The following RAD9B variants were observed in gnomAD, a reference collection of about 807,000 sequenced individuals.
RAD9B encodes RAD9 checkpoint clamp component B, also known as cell cycle checkpoint control protein RAD9B.
In RAD9B, 41 loss-of-function variants were observed where a neutral mutation model predicts 48.3. The observed-to-expected ratio is 0.85, with a 90% CI of 0.66 to 1.10. The LOEUF (loss-of-function observed/expected upper bound fraction) is 1.10, where lower values mean the gene tolerates loss of function less well. RAD9B is among the 50% of genes least tolerant of loss of function. The pLI, the probability that RAD9B is intolerant of heterozygous loss-of-function variation, is 0.00. For missense variants in RAD9B, 444 were observed against 485.1 expected (o/e 0.92, Z 0.80); for synonymous variants, 160 against 157.9 (o/e 1.01, Z -0.10).
At chr12:110,506,277 C>T (rs1274703327) in intron 3 of RAD9B, among the ~76,000 whole-genome samples, 1 of 151,680 alleles carries the variant, frequency 6.6e-6, no homozygotes, top group African/African-American at 2.4e-5. Context: ...CAAGCTCTGC[C>T]TCCCGGGTTC....
chr12:110,532,542 CA>C lies in RAD9B; in HGVS notation c.*1894del, dbSNP rs1448872333. On this transcript the variant is annotated 3_prime_UTR_variant, in exon 11 of 11. Transcript: ENST00000409300. ...GCAACATGGTGAGATCCCATCTCTA[CA>C]AAAATTAGCTGGGCACTTTGGATTT... 6.6e-6 allele frequency among the ~76,000 whole-genome samples: 1 copy of C among 152,178 alleles called. No individual in the cohort carries two copies. Among genetic ancestry groups the C allele is most frequent in the East Asian group, 1.9e-4 (1 of 5,202 alleles).
chr12:110,507,121 C>G (rs1210357593), intron 4 of RAD9B, among the ~76,000 whole-genome samples: 1 of 151,834 alleles, frequency 6.6e-6, no homozygotes, highest in Non-Finnish European at 1.5e-5. Context: ...TGGGATGAGC[C>G]ACTGCACCTG....
rs540116555 is a variant in RAD9B, at chr12:110,507,382, A to C, written c.388+689A>C. Among the ~76,000 whole-genome samples, 132 of 143,110 alleles carry C rather than the reference A, an allele frequency of 9.2e-4. 1 individual carries two copies. Among genetic ancestry groups the C allele is most frequent in the African/African-American group, 3.1e-3 (122 of 39,524 alleles). The allele number at this position is 143,110 out of a possible 152,430, so 93.9% of individuals were successfully genotyped here. The stretch of plus-strand genomic sequence containing the variant: ...AATATGTATTATATATAATATATGT[A>C]TTATATATAATATATAATATATGTA... On this transcript the variant is annotated intron_variant, in intron 4 of 10. Coordinates refer to ENST00000409300, the MANE Select transcript of RAD9B (RefSeq NM_001286535.2).
In RAD9B at chr12:110,518,859, C is replaced by T. The variant is rs768427217; in HGVS notation, c.703-15C>T. 4 of 1,576,490 alleles carry T rather than the reference C, an allele frequency of 2.5e-6. No homozygotes were observed. The highest frequency in any genetic ancestry group is 3.7e-5 in the Admixed American group (2 of 53,372). On this transcript the variant is annotated splice_polypyrimidine_tract_variant and intron_variant, in intron 7 of 10. Coordinates refer to ENST00000409300, the MANE Select transcript of RAD9B (RefSeq NM_001286535.2). Reference sequence around the variant, plus strand: ...TATAAGGATTTTAAGTTTTTTTCTTCTTTTCTTTTTTCAGGGAATACTGAC... The same window carrying T: ...TATAAGGATTTTAAGTTTTTTTCTTTTTTTCTTTTTTCAGGGAATACTGAC...
In RAD9B at chr12:110,519,798, C is replaced by G; in HGVS notation, c.772C>G (p.Leu258Val). Residue 258 changes from leucine to valine, a missense_variant, in exon 9 of 11, where the codon CTG becomes GTG. By Grantham distance (32) the Leu-to-Val change is conservative. Coordinates refer to ENST00000409300, the MANE Select transcript of RAD9B (RefSeq NM_001286535.2). ...SIYFDFPGKP[L>V]ALSIDDMLVE... ...GCTCTGACTTGGCTTTTTTAGACCT[C>G]TGGCTTTGAGTATTGATGATATGTT... The G allele has an allele frequency of 6.2e-7, 1 of 1,606,032 alleles. No homozygotes were observed. Among genetic ancestry groups the G allele is most frequent in the Non-Finnish European group, 8.5e-7 (1 of 1,177,676 alleles).
intron 8 of RAD9B, among the ~76,000 whole-genome samples, 195 bp from the exon 9 acceptor site, chr12:110,519,599 T>A (rs980949945): frequency 2.0e-5 from 3 of 150,410 alleles, no homozygotes; most frequent in Admixed American, 1.3e-4. Context: ...CCCGGCTAAT[T>A]TTTTTTTTGT....
In RAD9B at chr12:110,503,867, T is replaced by C; in HGVS notation, c.108T>C (p.Ser36=). 1 of 1,563,440 alleles carries C rather than the reference T, an allele frequency of 6.4e-7. No individual in the cohort carries two copies. Among genetic ancestry groups the C allele is most frequent in the Non-Finnish European group, 8.6e-7 (1 of 1,158,544 alleles). ...RISDEFWLDP[S]KKGLALRCVN... is the part of the protein sequence containing the mutation. ...GTGACGAGTTCTGGCTAGACCCATC[T>C]AAAAAAGGTGTAAGTAAGAAAGTTA... Residue 36 remains serine, a synonymous_variant, in exon 2 of 11, where the codon TCT becomes TCC. Coordinates refer to ENST00000409300, the MANE Select transcript of RAD9B (RefSeq NM_001286535.2).
At chr12:110,504,028 A>G (rs1168338636) in intron 2 of RAD9B, among the ~76,000 whole-genome samples, 152 bp downstream of exon 2, 3 of 152,186 alleles carry the variant, frequency 2.0e-5, no homozygotes, top group Non-Finnish European at 2.9e-5. Context: ...CACTTAGAGC[A>G]TGGTAAAGTT....
At chr12:110,516,700 C>A (rs2063609846) in intron 6 of RAD9B, among the ~76,000 whole-genome samples, 2 of 151,834 alleles carry the variant, frequency 1.3e-5, no homozygotes, top group African/African-American at 4.8e-5. Context: ...GTCCCAGCTA[C>A]TTGGGAGGCT....
chr12:110,517,285 T>C (rs893657659), intron 6 of RAD9B, among the ~76,000 whole-genome samples: 2 of 152,130 alleles, frequency 1.3e-5, no homozygotes, highest in African/African-American at 4.8e-5. Context: ...GCTATGATCA[T>C]GCCACTGTAT....
At chr12:110,518,491 A>C (rs754715033) in intron 6 of RAD9B, among the ~76,000 whole-genome samples, 185 bp from the exon 7 acceptor site, 2 of 152,254 alleles carry the variant, frequency 1.3e-5, no homozygotes, top group African/African-American at 2.4e-5. Flanking sequence ...GAGAAATGTA[A>C]AATATTAAAT....
Position 110,518,777 on chromosome 12 carries a change from T to C in RAD9B, c.697T>C (p.Leu233=), listed in dbSNP as rs753112516. 1.4e-5 allele frequency: 22 copies of C among 1,597,186 alleles called. No homozygotes were observed. Among genetic ancestry groups the C allele is most frequent in the South Asian group, 6.8e-5 (6 of 88,320 alleles). ...DTEITFCFKE[L]KGILTFSEAT... is the part of the protein sequence containing the mutation. ...TGAGATAACATTTTGTTTCAAAGAA[T>C]TGAAGGTAAATAAAGATTTGTATCA... is the stretch of plus-strand genomic sequence containing the variant. Residue 233 remains leucine, a synonymous_variant, in exon 7 of 11, where the codon TTG becomes CTG. Coordinates refer to ENST00000409300, the MANE Select transcript of RAD9B (RefSeq NM_001286535.2).
intron 1 of RAD9B, chr12:110,503,491 A>C: frequency 7.9e-6 from 2 of 253,244 alleles, no homozygotes; most frequent in South Asian, 1.2e-4. Context: ...AAATACATTT[A>C]TCTAAATCAA....
chr12:110,517,396 G>A (rs928993232), intron 6 of RAD9B, among the ~76,000 whole-genome samples: 2 of 151,228 alleles, frequency 1.3e-5, no homozygotes, highest in African/African-American at 4.9e-5. Flanking sequence ...AGGCCGAGGA[G>A]GGCTGATCAC....
intron 10 of RAD9B, among the ~76,000 whole-genome samples, chr12:110,524,086 T>C (rs1176575766): frequency 6.6e-6 from 1 of 152,214 alleles, no homozygotes; most frequent in African/African-American, 2.4e-5. Flanking sequence ...GCCCTGGCTC[T>C]AGAGTTCAAA....
At chr12:110,525,548 G>C (rs191184246) in intron 10 of RAD9B, among the ~76,000 whole-genome samples, 83 of 152,010 alleles carry the variant, frequency 5.5e-4, no homozygotes, top group African/African-American at 1.8e-3. Context: ...AATAATGTTG[G>C]GTTCTCTTTG....
At chr12:110,503,902 G>GT in intron 2 of RAD9B, 26 bp downstream of exon 2, 1 of 1,416,752 alleles carries the variant, frequency 7.1e-7, no homozygotes, top group Non-Finnish European at 9.6e-7. Context: ...AACAGATCAC[G>GT]TATCAAGGCA....
chr12:110,512,708 A>G, intron 4 of RAD9B, 71 bp from the exon 5 acceptor site: 1 of 690,536 alleles, frequency 1.4e-6, no homozygotes, highest in Non-Finnish European at 2.5e-6. Context: ...TTGGCTGTGA[A>G]ACTTAAAGAC....
In RAD9B at chr12:110,533,322, A is replaced by G. The variant is rs1428658422; in HGVS notation, c.*2669A>G. On this transcript the variant is annotated 3_prime_UTR_variant, in exon 11 of 11. Coordinates refer to ENST00000409300, the MANE Select transcript of RAD9B (RefSeq NM_001286535.2). ...TTACAGAACTATTCCTGCATAAGTT[A>G]TAATTCAGACATCCAAATTCAGGTA... 6.6e-6 allele frequency: 1 copy of G among 152,192 alleles called. No homozygotes were observed. 9.4% of individuals were successfully genotyped at this position (152,192 alleles called of 1,614,324 possible).
Sources: gnomAD v4.1 joint callset for allele counts (sites outside exome capture counted in the v4.1 genomes callset) on GRCh38, gnomAD v4.1.1 for gene constraint, MANE v1.5 for transcripts, NCBI Gene and HGNC (gene_info 2026-07-23, HGNC 2026-07-21) for gene names.